Variants in DYNC1LI2 observed in about 807,000 individuals in gnomAD.
DYNC1LI2 encodes cytoplasmic dynein 1 light intermediate chain 2.
A neutral mutation model predicts 57.8 loss-of-function variants in DYNC1LI2; 19 were observed. The ratio of observed to expected loss-of-function variants is 0.33; its 90% confidence interval spans 0.23 to 0.48. The LOEUF (loss-of-function observed/expected upper bound fraction) is 0.48. Among genes scored for constraint, DYNC1LI2 ranks in the 20% least tolerant of loss-of-function variants. DYNC1LI2 has a pLI of 0.99. For synonymous variants in DYNC1LI2, 256 were observed against 233.4 expected (o/e 1.10, Z -0.88); for missense variants, 470 against 604.2 (o/e 0.78, Z 2.33).
In DYNC1LI2 at chr16:66,727,777, G is replaced by A; in HGVS notation, c.1172C>T (p.Ser391Phe). ...SESPARGPSG[S>F]PRTQGRGGPA... ...CCCTCCCCGACCCTGGGTCCTTGGA[G>A]AGCCAGAGGGTCCTCTTGCAGGAGA... The change falls in exon 11 of 13, where the codon TCT becomes TTT. Residue 391 changes from serine to phenylalanine, a missense_variant. Transcript: ENST00000258198. The A allele has an allele frequency of 6.2e-7, 1 of 1,613,752 alleles. No homozygotes were observed. The highest frequency in any genetic ancestry group is 8.5e-7 in the Non-Finnish European group (1 of 1,179,842).
Position 66,723,556 on chromosome 16 carries a change from G to A in DYNC1LI2, c.*166C>T. 2 of 659,964 alleles carry A rather than the reference G, an allele frequency of 3.0e-6. No homozygotes were observed. Among genetic ancestry groups the A allele is most frequent in the East Asian group, 2.8e-5 (1 of 35,170 alleles). 40.9% of individuals were successfully genotyped at this position (659,964 alleles called of 1,614,324 possible). On this transcript the variant is annotated 3_prime_UTR_variant, in exon 13 of 13. Transcript: ENST00000258198. Reference sequence around the variant, plus strand: ...TCTGACATGTAACCTTCCTAAATGTGCATTTCACACTCGGACAAGCCAATG... The same window carrying A: ...TCTGACATGTAACCTTCCTAAATGTACATTTCACACTCGGACAAGCCAATG...
chr16:66,749,130 C>G, intron 3 of DYNC1LI2, 67 bp downstream of exon 3: 1 of 1,492,660 alleles, frequency 6.7e-7, no homozygotes, highest in Non-Finnish European at 9.3e-7. Context: ...GCTGCAGGAA[C>G]TGCACCCAAG....
chr16:66,747,089 T>TTTC (rs2017949305), intron 3 of DYNC1LI2, among the ~76,000 whole-genome samples: 1 of 151,574 alleles, frequency 6.6e-6, no homozygotes, highest in South Asian at 2.1e-4. Flanking sequence ...AACATTTTTT[T>TTTC]TTTTTTTTGA....
chr16:66,725,751 AG>A (rs931489660), intron 12 of DYNC1LI2, 76 bp downstream of exon 12: 1 of 1,425,510 alleles, frequency 7.0e-7, no homozygotes, highest in African/African-American at 1.4e-5. Context: ...CAGGGTCTGC[AG>A]GGCAGGTGTC....
intron 8 of DYNC1LI2, 76 bp downstream of exon 8, chr16:66,730,036 C>T (rs1339998495): frequency 3.0e-6 from 4 of 1,322,490 alleles, no homozygotes; most frequent in African/African-American, 1.5e-5. Context: ...CCGCTTTGGC[C>T]TCCCAAAGTG....
Position 66,724,208 on chromosome 16 carries a change from C to G in DYNC1LI2, c.1379-386G>C, listed in dbSNP as rs560743437. Among the ~76,000 whole-genome samples, 3 of 152,320 alleles carry G rather than the reference C, an allele frequency of 2.0e-5. No individual in the cohort carries two copies. In the East Asian group the frequency reaches 5.8e-4, roughly 29 times the overall value. On this transcript the variant is annotated intron_variant, in intron 12 of 12. Transcript: ENST00000258198. ...ACGAAGGAAACTATTTTCTTTGCCC[C>G]AGATAGGTGTTTTTGTTTATAACAT...
chr16:66,726,003 C>T, intron 11 of DYNC1LI2, 59 bp from the exon 12 acceptor site: 2 of 1,555,706 alleles, frequency 1.3e-6, no homozygotes. Context: ...TAAAATTAAA[C>T]ACCCTAGTTC....
intron 3 of DYNC1LI2, among the ~76,000 whole-genome samples, chr16:66,745,677 G>A (rs1214723251): frequency 6.6e-6 from 1 of 151,692 alleles, no homozygotes; most frequent in Non-Finnish European, 1.5e-5. Context: ...TCTGAGGCGG[G>A]TGGATCACTT....
At chr16:66,742,331 A>C in intron 4 of DYNC1LI2, 107 bp downstream of exon 4, 5 of 1,190,034 alleles carry the variant, frequency 4.2e-6, no homozygotes, top group Non-Finnish European at 5.8e-6. Flanking sequence ...CAAACAAAAC[A>C]AAACCACGAA....
Position 66,725,838 on chromosome 16 carries a change from G to C in DYNC1LI2, c.1368C>G (p.Ala456=). The C allele has an allele frequency of 6.2e-7, 1 of 1,613,744 alleles. No individual in the cohort carries two copies. Among genetic ancestry groups the C allele is most frequent in the Non-Finnish European group, 8.5e-7 (1 of 1,179,870 alleles). ...AGGGCCCTTCTGTACCTGACTTCTT[G>C]GCTGTGCTCTGCACCCCACCAGCAC... ...SPGAGGVQST[A]KKSGQKTVLS... The change falls in exon 12 of 13, where the codon GCC becomes GCG. Residue 456 remains alanine (A), a synonymous_variant. Transcript: ENST00000258198.
At chr16:66,736,517 T>C (rs1397468694) in intron 4 of DYNC1LI2, among the ~76,000 whole-genome samples, 1 of 152,184 alleles carries the variant, frequency 6.6e-6, no homozygotes, top group Admixed American at 6.5e-5. Context: ...CAGGTTTTTT[T>C]TTCTTCTTTT....
At chr16:66,726,533 C>T (rs2017538886) in intron 11 of DYNC1LI2, among the ~76,000 whole-genome samples, 1 of 152,232 alleles carries the variant, frequency 6.6e-6, no homozygotes, top group Non-Finnish European at 1.5e-5. Flanking sequence ...GTGGCTCACG[C>T]CTGTAATCCC....
In DYNC1LI2 at chr16:66,751,449, C is replaced by G. The variant is rs755815922; in HGVS notation, c.107+36G>C. On this transcript the variant is annotated intron_variant, in intron 1 of 12. Transcript: ENST00000258198. The surrounding 1 kb of genome is among the most constrained non-coding windows in gnomAD (Gnocchi z 5.2). ...CCGACGGTCCGGCCCAGAGGCCGCG[C>G]CCCCCACGGCCCGGCCCGACCGCCC... The G allele has an allele frequency of 1.9e-6, 3 of 1,577,550 alleles. No homozygotes were observed. The highest frequency in any genetic ancestry group is 2.6e-6 in the Non-Finnish European group (3 of 1,165,892).
chr16:66,738,241 C>CTTTTTTTTTTT (rs578021508), intron 4 of DYNC1LI2: 3 of 94,458 alleles, frequency 3.2e-5, no homozygotes, highest in African/African-American at 4.1e-5. Flanking sequence ...TCTACAGCTT[C>CTTTTTTTTTTT]TTTTTTTTTT....
intron 12 of DYNC1LI2, among the ~76,000 whole-genome samples, chr16:66,724,911 G>A (rs776180655): frequency 6.6e-6 from 1 of 152,168 alleles, no homozygotes; most frequent in Non-Finnish European, 1.5e-5. Context: ...TAGGCCAGGT[G>A]CACTAATCCC....
intron 4 of DYNC1LI2, among the ~76,000 whole-genome samples, chr16:66,740,792 C>T (rs534685941): frequency 4.6e-5 from 7 of 152,320 alleles, no homozygotes; most frequent in Non-Finnish European, 7.3e-5. Context: ...AAGCAGTAAG[C>T]ACAAAGGAGC....
At chr16:66,728,990 G>A (rs1266876514) in intron 9 of DYNC1LI2, 50 bp downstream of exon 9, 7 of 1,597,700 alleles carry the variant, frequency 4.4e-6, no homozygotes, top group African/African-American at 1.3e-5. Flanking sequence ...CTAGGGACTG[G>A]CATTTCATGC....
intron 4 of DYNC1LI2, among the ~76,000 whole-genome samples, chr16:66,737,395 G>A (rs747302454): frequency 2.1e-4 from 32 of 151,136 alleles, no homozygotes; most frequent in Admixed American, 5.3e-4. Context: ...GTGGCAGCAC[G>A]TGCCTGTAAT....
chr16:66,731,219 T>C (rs16956898), intron 7 of DYNC1LI2: 4 of 152,266 alleles, frequency 2.6e-5, no homozygotes, highest in African/African-American at 4.8e-5. Context: ...ACCGGTCTCC[T>C]TGCTCCTAGG....
Sources: allele counts gnomAD v4.1 joint callset (sites outside exome capture counted in the v4.1 genomes callset), GRCh38; gene constraint gnomAD v4.1.1; non-coding constraint Gnocchi (gnomAD v3.1); transcripts MANE v1.5; gene names NCBI Gene and HGNC (gene_info 2026-07-23, HGNC 2026-07-21).